Variants in FLT1 observed in about 807,000 individuals in gnomAD.
FLT1 encodes the protein fms related receptor tyrosine kinase 1.
Under a neutral mutation model 156.3 loss-of-function variants are expected in FLT1, and 49 were observed. The ratio of observed to expected loss-of-function variants is 0.31; its 90% CI spans 0.25 to 0.40. The LOEUF (loss-of-function observed/expected upper bound fraction) is 0.40, where lower values mean the gene tolerates loss of function less well. Among genes scored for constraint, FLT1 ranks in the 10% least tolerant of loss-of-function variants. The probability of loss-of-function intolerance (pLI) is 1.00; values close to 1 mark genes in which losing one functional copy is unlikely to be tolerated. For missense variants in FLT1, 1,322 were observed against 1,637.2 expected, an observed-to-expected ratio of 0.81 and a Z score of 3.32; for synonymous variants, 594 against 583.8, an observed-to-expected ratio of 1.02 and a Z score of -0.25.
intron 8 of FLT1, among the ~76,000 whole-genome samples, 198 bp downstream of exon 8, chr13:28,429,852 G>C (rs1046014347): frequency 6.6e-5 from 10 of 152,084 alleles, no homozygotes; most frequent in African/African-American, 2.4e-4. Context: ...CTCATCTCTC[G>C]CTTACCTTGC....
intron 11 of FLT1, among the ~76,000 whole-genome samples, chr13:28,397,816 A>G (rs970877745): frequency 9.9e-5 from 15 of 151,446 alleles, no homozygotes; most frequent in Non-Finnish European, 8.8e-5. Flanking sequence ...TTCTCTTAAT[A>G]AATTAAGTAT....
chr13:28,473,352 G>T (rs1209335499), intron 1 of FLT1, among the ~76,000 whole-genome samples: 2 of 151,628 alleles, frequency 1.3e-5, no homozygotes, highest in Admixed American at 6.6e-5. Context: ...CAGCCAAAAA[G>T]AAACAACCCA....
chr13:28,405,677 G>T, intron 11 of FLT1, 103 bp downstream of exon 11: 4 of 755,460 alleles, frequency 5.3e-6, no homozygotes, highest in South Asian at 2.9e-5. Flanking sequence ...CTGAATTTTT[G>T]TTTGAACATT....
At position 28,359,355 on chromosome 13, in the gene FLT1, C is replaced by G. The variant is rs146084712; in HGVS notation, c.2117-1670G>C. Among the ~76,000 whole-genome samples, 1,133 of 152,130 alleles carry G rather than the reference C, an allele frequency of 7.4e-3. 11 individuals are homozygous for G. The highest frequency in any genetic ancestry group is 0.026 in the African/African-American group (1,087 of 41,492). On this transcript the variant is annotated intron_variant, in intron 14 of 29. Transcript: ENST00000282397. ...TACATACAGAAAAATGAAAATGGACCCTTCTCTCATCCCTTATATAAAAAT... is the reference window on the plus strand; with the variant it reads ...TACATACAGAAAAATGAAAATGGACGCTTCTCTCATCCCTTATATAAAAAT...
intron 20 of FLT1, among the ~76,000 whole-genome samples, chr13:28,326,621 G>A (rs1010575813): frequency 6.8e-6 from 1 of 147,686 alleles, no homozygotes; most frequent in Admixed American, 6.9e-5. Flanking sequence ...AGCCTCCCAG[G>A]CTCAAGCGAT....
intron 16 of FLT1, among the ~76,000 whole-genome samples, chr13:28,340,889 T>G (rs200073494): frequency 6.7e-6 from 1 of 149,748 alleles, no homozygotes. Flanking sequence ...TGCCATTGGG[T>G]TAGACTATGA....
intron 1 of FLT1, among the ~76,000 whole-genome samples, chr13:28,479,862 T>C (rs1180904021): frequency 6.6e-6 from 1 of 152,214 alleles, no homozygotes; most frequent in East Asian, 1.9e-4. Context: ...ATATCTCTGA[T>C]AGAAGAAAAA....
At chr13:28,309,225 C>T (rs1412744742) in intron 27 of FLT1, among the ~76,000 whole-genome samples, 2 of 152,186 alleles carry the variant, frequency 1.3e-5, no homozygotes, top group Non-Finnish European at 2.9e-5. Context: ...GGCATCATCT[C>T]GTCTGAGTGC....
At chr13:28,331,909 T>C (rs1871947258) in intron 18 of FLT1, among the ~76,000 whole-genome samples, 1 of 151,970 alleles carries the variant, frequency 6.6e-6, no homozygotes, top group Admixed American at 6.6e-5. Flanking sequence ...CTGTATTACA[T>C]AGAAGAGATT....
At chr13:28,368,779 A>G (rs1417450807) in intron 14 of FLT1, 12 of 587,998 alleles carry the variant, frequency 2.0e-5, no homozygotes, top group East Asian at 5.6e-5. Flanking sequence ...ATCTCTGCGC[A>G]CTGCAATCTC....
Position 28,451,681 on chromosome 13 carries a change from G to A in FLT1, c.389-13336C>T, listed in dbSNP as rs560245352. Among the ~76,000 whole-genome samples, 1,030 of 151,968 alleles carry A rather than the reference G, an allele frequency of 6.8e-3. 9 individuals carry two copies. Among genetic ancestry groups the A allele is most frequent in the African/African-American group, 0.024 (984 of 41,450 alleles). Reference sequence around the variant, plus strand: ...TTGAGGGGAGGCAGGAGTCAGGGGAGGAGTCGGGCTGTGTCGAAGTGCTGC... The same window carrying A: ...TTGAGGGGAGGCAGGAGTCAGGGGAAGAGTCGGGCTGTGTCGAAGTGCTGC... On this transcript the variant is annotated intron_variant, in intron 3 of 29. Transcript: ENST00000282397.
At chr13:28,431,568 G>A (rs1407974679) in intron 6 of FLT1, among the ~76,000 whole-genome samples, 4 of 152,114 alleles carry the variant, frequency 2.6e-5, no homozygotes, top group Non-Finnish European at 5.9e-5. Context: ...TCAATTGTTT[G>A]TCCCAACAAC....
At chr13:28,316,869 C>T (rs1266315662) in intron 25 of FLT1, among the ~76,000 whole-genome samples, 1 of 152,062 alleles carries the variant, frequency 6.6e-6, no homozygotes, top group African/African-American at 2.4e-5. Context: ...GTGATCCGCC[C>T]GCCTCTGCCT....
Position 28,438,205 on chromosome 13 carries a change from C to A in FLT1, c.513+16G>T. 2 of 1,611,430 alleles carry A rather than the reference C, an allele frequency of 1.2e-6. No homozygotes were observed. The highest frequency in any genetic ancestry group is 1.7e-6 in the Non-Finnish European group (2 of 1,177,656). ...TGCAGTGAAAGTATGCTGAGAATAGCGGTGTTCAAATTTACCTTTTTTAAA... is the reference window on the plus strand; with the variant it reads ...TGCAGTGAAAGTATGCTGAGAATAGAGGTGTTCAAATTTACCTTTTTTAAA... On this transcript the variant is annotated intron_variant, in intron 4 of 29. Transcript: ENST00000282397.
At chr13:28,336,567 G>A (rs1404569109) in intron 17 of FLT1, among the ~76,000 whole-genome samples, 1 of 152,160 alleles carries the variant, frequency 6.6e-6, no homozygotes, top group Non-Finnish European at 1.5e-5. Context: ...GAGAGTGCAT[G>A]GCAGCATGGG....
chr13:28,353,592 ATG>A (rs1244025711), intron 15 of FLT1, among the ~76,000 whole-genome samples: 2 of 151,654 alleles, frequency 1.3e-5, no homozygotes, highest in African/African-American at 4.8e-5. Flanking sequence ...AAAAAAAAGA[ATG>A]TTTTTATATA....
At chr13:28,411,736 G>A (rs1876207576) in intron 10 of FLT1, among the ~76,000 whole-genome samples, 1 of 151,798 alleles carries the variant, frequency 6.6e-6, no homozygotes, top group African/African-American at 2.4e-5. Context: ...GTGGGTGAGT[G>A]GTGATTTGAG....
intron 16 of FLT1, among the ~76,000 whole-genome samples, chr13:28,344,897 G>A (rs1376354036): frequency 1.4e-5 from 2 of 145,644 alleles, no homozygotes; most frequent in East Asian, 2.0e-4. Context: ...GACCTCCCAG[G>A]CTAAAGTGAT....
At chr13:28,330,183 T>TAA (rs973570856) in intron 18 of FLT1, among the ~76,000 whole-genome samples, 10 of 152,228 alleles carry the variant, frequency 6.6e-5, no homozygotes, top group African/African-American at 1.9e-4. Context: ...GCTACTGTTG[T>TAA]AAACATCTTT....
Sources: gnomAD v4.1 joint callset for allele counts (sites outside exome capture counted in the v4.1 genomes callset) on GRCh38, gnomAD v4.1.1 for gene constraint, MANE v1.5 for transcripts, NCBI Gene and HGNC (gene_info 2026-07-23, HGNC 2026-07-21) for gene names.